Variants in FRMPD1 observed in about 807,000 individuals in gnomAD.
FRMPD1 encodes the protein FERM and PDZ domain containing 1, also known as FERM and PDZ domain-containing protein 1.
FRMPD1 carries 76 observed loss-of-function variants against 117.8 expected under a neutral mutation model. The observed-to-expected ratio is 0.65, with a 90% CI of 0.54 to 0.78. The LOEUF is 0.78. Among genes scored for constraint, FRMPD1 ranks in the 30% least tolerant of loss-of-function variants. The pLI is 0.00. For missense variants in FRMPD1, 1,786 were observed against 1,964.5 expected (o/e 0.91, Z 1.72); for synonymous variants, 783 against 770.4 (o/e 1.02, Z -0.27).
the FRMPD1 span, among the ~76,000 whole-genome samples, chr9:37,629,846 T>G: frequency 6.6e-6 from 1 of 152,186 alleles, no homozygotes; most frequent in African/African-American, 2.4e-5. Context: ...TTAGTTTTTT[T>G]GGGCTGCTAT....
the FRMPD1 span, among the ~76,000 whole-genome samples, chr9:37,635,284 A>G: frequency 3.9e-5 from 6 of 152,202 alleles, no homozygotes; most frequent in African/African-American, 1.2e-4. Flanking sequence ...GCCATTTTAT[A>G]TACCATTAAT....
chr9:37,727,739 C>T (rs1281018740), intron 7 of FRMPD1, among the ~76,000 whole-genome samples: 1 of 97,152 alleles, frequency 1.0e-5, no homozygotes, highest in Non-Finnish European at 2.7e-5. Context: ...GAGAGGGCTC[C>T]GAATCAGGAG....
At chr9:37,733,086 T>C (rs7039456) in intron 10 of FRMPD1, among the ~76,000 whole-genome samples, 28,445 of 152,194 alleles carry the variant, frequency 0.19, 2,835 homozygotes, top group Admixed American at 0.22. Flanking sequence ...GCTGGCACCA[T>C]GCTGAAGCTT....
chr9:37,697,857 C>T lies in FRMPD1; in HGVS notation c.101+5115C>T, dbSNP rs547964827. On this transcript the variant is annotated intron_variant, in intron 2 of 15. Coordinates refer to ENST00000377765, the MANE Select transcript of FRMPD1 (RefSeq NM_014907.3). ...TTCGGCTGGGCGTGGTGGCTCACGC[C>T]TGTAATCCCAGCACTTTGGGAAGCC... Among the ~76,000 whole-genome samples, 16 of 152,372 alleles carry T rather than the reference C, an allele frequency of 1.1e-4. No individual in the cohort carries two copies. In the South Asian group the frequency reaches 2.1e-3, roughly 20 times the overall value.
intron 5 of FRMPD1, among the ~76,000 whole-genome samples, chr9:37,717,437 T>A (rs1322805207): frequency 6.7e-6 from 1 of 148,814 alleles, no homozygotes; most frequent in Non-Finnish European, 1.5e-5. Flanking sequence ...TGGAGTACAG[T>A]GGTGCAATCT....
chr9:37,667,551 A>T (rs116865276), intron 1 of FRMPD1, among the ~76,000 whole-genome samples: 7,314 of 151,088 alleles, frequency 0.048, 251 homozygotes, highest in South Asian at 0.12. Context: ...GGTGGCACAC[A>T]CTTGTAATCC....
At chr9:37,705,072 T>C (rs1822655212) in intron 2 of FRMPD1, among the ~76,000 whole-genome samples, 1 of 152,216 alleles carries the variant, frequency 6.6e-6, no homozygotes, top group Non-Finnish European at 1.5e-5. Context: ...TCAGCTAATC[T>C]GCTTTTAATG....
chr9:37,660,083 G>C (rs574838432), intron 1 of FRMPD1, among the ~76,000 whole-genome samples: 1 of 152,010 alleles, frequency 6.6e-6, no homozygotes, highest in Admixed American at 6.6e-5. Flanking sequence ...ATTCCTGTCC[G>C]ACGGCATCCT....
At chr9:37,696,019 T>C (rs543320226) in intron 2 of FRMPD1, among the ~76,000 whole-genome samples, 24 of 151,090 alleles carry the variant, frequency 1.6e-4, no homozygotes, top group African/African-American at 5.6e-4. Flanking sequence ...TTGTTCCTCT[T>C]CTTTCCTTGC....
chr9:37,604,826 C>T, the FRMPD1 span, among the ~76,000 whole-genome samples: 2 of 152,176 alleles, frequency 1.3e-5, no homozygotes, highest in African/African-American at 4.8e-5. Flanking sequence ...GTGGGCCAAG[C>T]ATTAGGGCCG....
At chr9:37,729,618 G>A in intron 7 of FRMPD1, 110 bp from the exon 8 acceptor site, 2 of 1,111,100 alleles carry the variant, frequency 1.8e-6, no homozygotes, top group Non-Finnish European at 2.6e-6. Context: ...TCAGCAGTGG[G>A]CATGTCAGTG....
chr9:37,725,038 G>A (rs755109655), intron 7 of FRMPD1, among the ~76,000 whole-genome samples: 1 of 152,150 alleles, frequency 6.6e-6, no homozygotes, highest in Non-Finnish European at 1.5e-5. Flanking sequence ...TGAGGGTAGG[G>A]TACATATCAA....
At chr9:37,726,666 C>A (rs958605559) in intron 7 of FRMPD1, among the ~76,000 whole-genome samples, 2 of 151,920 alleles carry the variant, frequency 1.3e-5, no homozygotes, top group Non-Finnish European at 2.9e-5. Context: ...CCACTGCACT[C>A]CAGCCTGGGC....
chr9:37,626,642 A>AAAAAAAAAAAAAAAAAAAAAT, the FRMPD1 span, among the ~76,000 whole-genome samples: 1 of 146,414 alleles, frequency 6.8e-6, no homozygotes, highest in Non-Finnish European at 1.5e-5. Flanking sequence ...AAAAAAAAAA[A>AAAAAAAAAAAAAAAAAAAAAT]GCTGGAGGTG....
chr9:37,727,390 T>A (rs906977121), intron 7 of FRMPD1, among the ~76,000 whole-genome samples: 12 of 152,130 alleles, frequency 7.9e-5, no homozygotes, highest in African/African-American at 2.9e-4. Context: ...ATGGCTATAT[T>A]CCCATAAAAC....
At position 37,745,756 on chromosome 9, in the gene FRMPD1, A is replaced by G. The variant is rs1178779092; in HGVS notation, c.3724A>G (p.Arg1242Gly). The change falls in exon 16 of 16, where the codon AGG becomes GGG. Residue 1242 changes from arginine to glycine, a missense_variant. Transcript: ENST00000377765. The part of the protein sequence containing the change: ...NHVTGQDIAP[R>G]DSPEWVCFNP... ...TGTGACAGGGCAAGATATAGCCCCT[A>G]GGGACAGCCCTGAGTGGGTCTGTTT... is the stretch of plus-strand genomic sequence containing the variant. 2 of 1,614,104 alleles carry G rather than the reference A, an allele frequency of 1.2e-6. No homozygotes were observed. Among genetic ancestry groups the G allele is most frequent in the Middle Eastern group, 1.6e-4 (1 of 6,082 alleles).
the FRMPD1 span, among the ~76,000 whole-genome samples, chr9:37,619,916 GAA>G: frequency 7.9e-3 from 1,030 of 131,120 alleles, 18 homozygotes; most frequent in African/African-American, 0.026. Context: ...GTAGACAGGG[GAA>G]AAAAAAAAAA....
chr9:37,604,963 T>G, the FRMPD1 span, among the ~76,000 whole-genome samples: 1 of 152,252 alleles, frequency 6.6e-6, no homozygotes, highest in Non-Finnish European at 1.5e-5. Flanking sequence ...GGCTCTATTA[T>G]TTCCACTTTA....
rs1032111813 is a variant in FRMPD1 at position 37,676,212 on chromosome 9, C to T, written c.-4-16426C>T. On this transcript the variant is annotated intron_variant, in intron 1 of 15. Transcript: ENST00000377765. ...CTGGAATGTTACATGGTTTCTGGTT[C>T]TCATTTTTTGGAAATTCAAGGAAGA... Among the ~76,000 whole-genome samples, 19 of 142,716 alleles carry T rather than the reference C, an allele frequency of 1.3e-4. 3 individuals carry two copies. The highest frequency in any genetic ancestry group is 1.1e-3 in the Admixed American group (16 of 14,458). The allele number at this position is 142,716 out of a possible 152,430, so 93.6% of individuals were successfully genotyped here.
Sources: gnomAD v4.1 joint callset for allele counts (sites outside exome capture counted in the v4.1 genomes callset) on GRCh38, gnomAD v4.1.1 for gene constraint, MANE v1.5 for transcripts, NCBI Gene and HGNC (gene_info 2026-07-23, HGNC 2026-07-21) for gene names.